PKHD1L1: variants seen among roughly 807,000 people sequenced by gnomAD.
PKHD1L1 encodes the protein PKHD1 like 1, also known as fibrocystin-L.
PKHD1L1 carries 434 observed loss-of-function variants against 462.9 expected under a neutral mutation model. The observed-to-expected ratio is 0.94, with a 90% CI of 0.87 to 1.02. PKHD1L1 has a LOEUF of 1.02. PKHD1L1 is among the 50% of genes least tolerant of loss of function. The pLI is 0.00. For synonymous variants in PKHD1L1, 1,781 were observed against 1,750.0 expected (o/e 1.02, Z -0.44); for missense variants, 5,202 against 5,096.1 (o/e 1.02, Z -0.63).
At chr8:109,492,054 T>C in intron 62 of PKHD1L1, 60 bp downstream of exon 62, 2 of 1,259,758 alleles carry the variant, frequency 1.6e-6, no homozygotes, top group Non-Finnish European at 1.1e-6. Flanking sequence ...TTGAAAAATA[T>C]CTAATAAAAT....
At chr8:109,506,814 T>G (rs1819713548) in intron 68 of PKHD1L1, among the ~76,000 whole-genome samples, 1 of 152,214 alleles carries the variant, frequency 6.6e-6, no homozygotes, top group East Asian at 1.9e-4. Context: ...CACTATTATT[T>G]TGTTACTATA....
At chr8:109,450,934 C>A in intron 40 of PKHD1L1, 41 bp from the exon 41 acceptor site, 2 of 1,538,672 alleles carry the variant, frequency 1.3e-6, no homozygotes, top group South Asian at 1.3e-5. Context: ...GAATCAGGGC[C>A]CGATGGCAGA....
chr8:109,421,665 T>A (rs1814476782), intron 23 of PKHD1L1, among the ~76,000 whole-genome samples: 1 of 152,122 alleles, frequency 6.6e-6, no homozygotes, highest in African/African-American at 2.4e-5. Flanking sequence ...GGGCCTGTAG[T>A]CCCAGCTCCT....
intron 14 of PKHD1L1, among the ~76,000 whole-genome samples, chr8:109,402,627 A>G (rs1225778884): frequency 6.6e-6 from 1 of 152,174 alleles, no homozygotes; most frequent in Non-Finnish European, 1.5e-5. Context: ...CATATTTGCT[A>G]ATATCCCATT....
intron 63 of PKHD1L1, among the ~76,000 whole-genome samples, chr8:109,495,705 A>G (rs1050096758): frequency 2.0e-5 from 3 of 152,150 alleles, no homozygotes; most frequent in Non-Finnish European, 4.4e-5. Flanking sequence ...GGAAAATCAT[A>G]AATAAAATGT....
intron 67 of PKHD1L1, 98 bp from the exon 68 acceptor site, chr8:109,504,229 G>T: frequency 1.4e-6 from 1 of 721,932 alleles, no homozygotes; most frequent in Non-Finnish European, 2.1e-6. Flanking sequence ...CCATGTTTAA[G>T]GTAGTGACAA....
chr8:109,520,870 C>T (rs188267337), intron 73 of PKHD1L1, among the ~76,000 whole-genome samples: 34 of 152,210 alleles, frequency 2.2e-4, no homozygotes, highest in Admixed American at 1.5e-3. Flanking sequence ...ACATGTCGAA[C>T]GGTCAGCGAG....
Position 109,477,303 on chromosome 8 carries a change from A to G in PKHD1L1, c.8996A>G (p.Asn2999Ser). ...CCTGATGTGAAAGACGTTGTTATTAATTTCCAAGCTTACTGTTGTATTCTC... is the reference window on the plus strand; with the variant it reads ...CCTGATGTGAAAGACGTTGTTATTAGTTTCCAAGCTTACTGTTGTATTCTC... ...LDPDVKDVVI[N>S]FQAYCCILQD... The change falls in exon 53 of 78, where the codon AAT becomes AGT. Residue 2999 changes from asparagine (N) to serine (S), a missense_variant. Coordinates refer to ENST00000378402, the MANE Select transcript of PKHD1L1 (RefSeq NM_177531.6). The G allele has an allele frequency of 6.2e-7, 1 of 1,613,522 alleles. No individual in the cohort carries two copies. The highest frequency in any genetic ancestry group is 8.5e-7 in the Non-Finnish European group (1 of 1,179,648).
chr8:109,385,166 T>C (rs991125281), intron 5 of PKHD1L1, among the ~76,000 whole-genome samples: 4 of 151,606 alleles, frequency 2.6e-5, no homozygotes, highest in African/African-American at 9.7e-5. Flanking sequence ...TTTTCACCTA[T>C]TTTTCAATAA....
At chr8:109,383,718 A>G (rs907378753) in intron 4 of PKHD1L1, among the ~76,000 whole-genome samples, 8 of 151,602 alleles carry the variant, frequency 5.3e-5, no homozygotes, top group African/African-American at 1.7e-4. Flanking sequence ...GGTATGTCAC[A>G]CCTAAATGGT....
rs898993902 is a variant in PKHD1L1 at position 109,532,321 on chromosome 8, CA to C, written c.*2232del. 6.6e-6 allele frequency among the ~76,000 whole-genome samples: 1 copy of C among 152,156 alleles called. No individual in the cohort carries two copies. Among genetic ancestry groups the C allele is most frequent in the Non-Finnish European group, 1.5e-5 (1 of 68,020 alleles). On this transcript the variant is annotated 3_prime_UTR_variant, in exon 78 of 78. Transcript: ENST00000378402. ...CTTTTTAAGAACATTCTAGAATTAT[CA>C]TAATAATTCCTTATTCCAGATAAAT...
At chr8:109,461,963 A>G (rs1563571388) in intron 48 of PKHD1L1, 55 bp downstream of exon 48, 1 of 1,539,244 alleles carries the variant, frequency 6.5e-7, no homozygotes, top group Non-Finnish European at 8.8e-7. Context: ...TCCATACAAG[A>G]AATGTGTGTT....
intron 71 of PKHD1L1, among the ~76,000 whole-genome samples, chr8:109,513,397 A>G (rs557949966): frequency 1.3e-5 from 2 of 152,300 alleles, no homozygotes; most frequent in African/African-American, 4.8e-5. Context: ...TTATATATAT[A>G]TCAGAAATAC....
At chr8:109,515,423 T>G in intron 72 of PKHD1L1, 118 bp downstream of exon 72, 2 of 851,068 alleles carry the variant, frequency 2.3e-6, no homozygotes, top group Admixed American at 7.9e-5. Context: ...AGAAAACAAG[T>G]TTTTAGCCAT....
chr8:109,377,877 A>G (rs1467155708), intron 2 of PKHD1L1, among the ~76,000 whole-genome samples: 1 of 152,230 alleles, frequency 6.6e-6, no homozygotes, highest in Non-Finnish European at 1.5e-5. Flanking sequence ...ATATTCTTAT[A>G]TGGCATACAA....
chr8:109,410,732 T>TTTTTTTTTTTTTG lies in PKHD1L1; in HGVS notation c.2085+766_2085+767insGTTTTTTTTTTTT, dbSNP rs1349393082. ...TTTCTTTTCTTTTCTTTTTCTTTTT[T>TTTTTTTTTTTTTG]TTTTTTTTTTTTTTTGAGACGGAGT... On this transcript the variant is annotated intron_variant, in intron 19 of 77. Coordinates refer to ENST00000378402, the MANE Select transcript of PKHD1L1 (RefSeq NM_177531.6). 2.2e-3 allele frequency among the ~76,000 whole-genome samples: 97 copies of TTTTTTTTTTTTTG among 43,394 alleles called. 8 individuals carry two copies. In the South Asian group the frequency reaches 0.031, roughly 14 times the overall value. 28.5% of individuals were successfully genotyped at this position (43,394 alleles called of 152,430 possible).
At chr8:109,384,736 T>G (rs536051291) in intron 5 of PKHD1L1, among the ~76,000 whole-genome samples, 1 of 152,140 alleles carries the variant, frequency 6.6e-6, no homozygotes, top group South Asian at 2.1e-4. Context: ...CTAGGTACTA[T>G]TTTTTCAAGA....
chr8:109,449,926 G>C (rs1203674001), intron 40 of PKHD1L1, among the ~76,000 whole-genome samples: 1 of 152,156 alleles, frequency 6.6e-6, no homozygotes, highest in Non-Finnish European at 1.5e-5. Context: ...CAACTATAAA[G>C]TGAGATGAAT....
At chr8:109,420,749 A>G (rs1039260541) in intron 23 of PKHD1L1, 59 bp downstream of exon 23, 19 of 1,267,410 alleles carry the variant, frequency 1.5e-5, no homozygotes, top group Non-Finnish European at 1.9e-5. Context: ...AATTTTTTTA[A>G]ATAACCAACA....
Sources: allele counts gnomAD v4.1 joint callset (sites outside exome capture counted in the v4.1 genomes callset), GRCh38; gene constraint gnomAD v4.1.1; transcripts MANE v1.5; gene names NCBI Gene and HGNC (gene_info 2026-07-23, HGNC 2026-07-21).